The following DNAH11 variants were observed in gnomAD, a reference collection of about 807,000 sequenced individuals.
The protein encoded by DNAH11 is dynein axonemal heavy chain 11, also known as axonemal beta dynein heavy chain 11.
A neutral mutation model predicts 526.0 loss-of-function variants in DNAH11; 442 were observed. The observed-to-expected ratio is 0.84, with a 90% confidence interval of 0.78 to 0.91. DNAH11 has a LOEUF of 0.91. DNAH11 is among the 40% of genes least tolerant of loss of function. The probability of loss-of-function intolerance (pLI) is 0.00; values close to 1 mark genes in which losing one functional copy is unlikely to be tolerated. For missense variants in DNAH11, 6,989 were observed against 5,448.7 expected (o/e 1.28, Z -8.90); for synonymous variants, 2,461 against 1,935.9 (o/e 1.27, Z -7.12).
intron 62 of DNAH11, among the ~76,000 whole-genome samples, chr7:21,807,394 G>C (rs1415107986): frequency 6.6e-6 from 1 of 152,214 alleles, no homozygotes; most frequent in African/African-American, 2.4e-5. Flanking sequence ...AGCTACTTGA[G>C]AGGCTGAAGT....
chr7:21,604,795 C>A lies in DNAH11; in HGVS notation c.3649-1631C>A, dbSNP rs1452932359. Among the ~76,000 whole-genome samples the A allele has an allele frequency of 2.0e-5, 3 of 152,318 alleles. No individual in the cohort carries two copies. In the East Asian group the frequency reaches 5.8e-4, roughly 29 times the overall value. ...ATGGATGTAACTTCCTCCTGGCTTC[C>A]CAGCCATGGCCTCCGAGGGACTCCA... is the stretch of plus-strand genomic sequence containing the variant. On this transcript the variant is annotated intron_variant, in intron 18 of 81. Transcript: ENST00000409508.
intron 34 of DNAH11, among the ~76,000 whole-genome samples, chr7:21,687,812 T>C (rs1783447536): frequency 6.6e-6 from 1 of 152,300 alleles, no homozygotes; most frequent in East Asian, 1.9e-4. Context: ...CCTGGCACTT[T>C]GGGAGTTTGA....
At chr7:21,661,517 T>A (rs1010234131) in intron 30 of DNAH11, among the ~76,000 whole-genome samples, 1 of 152,138 alleles carries the variant, frequency 6.6e-6, no homozygotes, top group African/African-American at 2.4e-5. Flanking sequence ...TAAAATCTTA[T>A]GTCATTCAAA....
chr7:21,618,024 T>C (rs1182150735), intron 23 of DNAH11, among the ~76,000 whole-genome samples: 1 of 152,154 alleles, frequency 6.6e-6, no homozygotes, highest in Non-Finnish European at 1.5e-5. Flanking sequence ...TCTCCATTTG[T>C]CATCTGGGCT....
intron 25 of DNAH11, among the ~76,000 whole-genome samples, chr7:21,631,304 A>T (rs1786594615): frequency 6.6e-6 from 1 of 152,174 alleles, no homozygotes; most frequent in Non-Finnish European, 1.5e-5. Flanking sequence ...GCCAAACCAT[A>T]TCATTCCACC....
chr7:21,738,430 T>C (rs2128489900), intron 46 of DNAH11, among the ~76,000 whole-genome samples: 1 of 152,200 alleles, frequency 6.6e-6, no homozygotes, highest in Middle Eastern at 3.4e-3. Flanking sequence ...GTTTCAGCTG[T>C]GATGACAATG....
intron 54 of DNAH11, among the ~76,000 whole-genome samples, chr7:21,764,765 T>G (rs1207111074): frequency 1.3e-5 from 2 of 152,192 alleles, no homozygotes; most frequent in African/African-American, 4.8e-5. Flanking sequence ...GGAAGTATAT[T>G]TAGATTTAAA....
intron 75 of DNAH11, among the ~76,000 whole-genome samples, chr7:21,883,534 C>G (rs1291167859): frequency 1.3e-5 from 2 of 152,198 alleles, no homozygotes; most frequent in Non-Finnish European, 1.5e-5. Context: ...TTGGAAAATA[C>G]TAGGATTCTA....
rs1786319541 is a variant in DNAH11 at position 21,749,710 on chromosome 7, A to G, written c.8706A>G (p.Gly2902=). The G allele has an allele frequency of 4.3e-6, 7 of 1,613,900 alleles. No individual in the cohort carries two copies. In the Admixed American group the frequency reaches 8.3e-5, roughly 19 times the overall value. Residue 2902 remains glycine (G), a synonymous_variant, in exon 53 of 82, where the codon GGA becomes GGG. Coordinates refer to ENST00000409508, the MANE Select transcript of DNAH11 (RefSeq NM_001277115.2). ...TTGCCAATTTGTACATCCGAACTGG[A>G]GCCAAGAACATGCCCACTGTGTTCC... ...VDLANLYIRT[G]AKNMPTVFLL... is the part of the protein sequence containing the mutation.
intron 28 of DNAH11, among the ~76,000 whole-genome samples, chr7:21,646,369 G>A (rs1787357431): frequency 6.6e-6 from 1 of 152,210 alleles, no homozygotes; most frequent in East Asian, 1.9e-4. Flanking sequence ...CATGACAGAT[G>A]AGGAACAGGG....
At chr7:21,899,555 C>T in intron 80 of DNAH11, 107 bp downstream of exon 80, 1 of 860,994 alleles carries the variant, frequency 1.2e-6, no homozygotes, top group Non-Finnish European at 1.8e-6. Flanking sequence ...CTCACCAATC[C>T]TCAAGCAGCA....
Position 21,901,452 on chromosome 7 carries a change from G to A in DNAH11, c.*198G>A, listed in dbSNP as rs1345099922. 3.2e-6 allele frequency: 2 copies of A among 628,412 alleles called. No homozygotes were observed. Among genetic ancestry groups the A allele is most frequent in the South Asian group, 5.0e-5 (1 of 19,982 alleles). The allele number at this position is 628,412 out of a possible 1,614,324, so 38.9% of individuals were successfully genotyped here. ...GGGCTGAGCGTGGTGGCACACGACT[G>A]TAATCCCAGTTACTCAGGAGGTAGG... On this transcript the variant is annotated 3_prime_UTR_variant, in exon 82 of 82. Coordinates refer to ENST00000409508, the MANE Select transcript of DNAH11 (RefSeq NM_001277115.2).
At chr7:21,865,578 C>T (rs1409205871) in intron 70 of DNAH11, among the ~76,000 whole-genome samples, 1 of 152,104 alleles carries the variant, frequency 6.6e-6, no homozygotes, top group African/African-American at 2.4e-5. Flanking sequence ...GAGAGCCAAC[C>T]TTAGAGGATC....
intron 30 of DNAH11, among the ~76,000 whole-genome samples, chr7:21,666,856 T>C (rs925995163): frequency 3.9e-5 from 6 of 151,918 alleles, no homozygotes; most frequent in African/African-American, 1.4e-4. Flanking sequence ...ACATACTCTC[T>C]ACCTCCCCTC....
At chr7:21,883,880 A>C (rs1056763139) in intron 75 of DNAH11, among the ~76,000 whole-genome samples, 1 of 152,106 alleles carries the variant, frequency 6.6e-6, no homozygotes, top group Non-Finnish European at 1.5e-5. Context: ...CATCTCTACA[A>C]AATTTTTAAA....
intron 57 of DNAH11, among the ~76,000 whole-genome samples, chr7:21,782,971 A>G (rs1276268526): frequency 6.6e-6 from 1 of 150,762 alleles, no homozygotes; most frequent in East Asian, 1.9e-4. Flanking sequence ...GGTTTTATCC[A>G]GTACCAAAAA....
intron 30 of DNAH11, among the ~76,000 whole-genome samples, chr7:21,676,126 A>C (rs1029011802): frequency 2.0e-5 from 3 of 152,194 alleles, no homozygotes; most frequent in African/African-American, 7.2e-5. Flanking sequence ...TTTGTGCTCC[A>C]GGAACAAAAG....
intron 5 of DNAH11, among the ~76,000 whole-genome samples, chr7:21,563,536 T>G (rs1444393763): frequency 2.0e-5 from 3 of 151,780 alleles, no homozygotes; most frequent in African/African-American, 7.3e-5. Flanking sequence ...TGCTTAACAT[T>G]TGTTCTATTG....
intron 14 of DNAH11, among the ~76,000 whole-genome samples, chr7:21,593,417 G>C (rs1348125964): frequency 1.3e-5 from 2 of 152,146 alleles, no homozygotes; most frequent in Non-Finnish European, 2.9e-5. Context: ...GAGCTCTGCT[G>C]TGTGGCAAAC....
Sources: allele counts gnomAD v4.1 joint callset (sites outside exome capture counted in the v4.1 genomes callset), GRCh38; gene constraint gnomAD v4.1.1; transcripts MANE v1.5; gene names NCBI Gene and HGNC (gene_info 2026-07-23, HGNC 2026-07-21).